Variants in KLHL6 observed in about 807,000 individuals in gnomAD.
KLHL6 encodes kelch like family member 6.
KLHL6 carries 41 observed loss-of-function variants against 58.6 expected under a neutral mutation model. The ratio of observed to expected loss-of-function variants is 0.70; its 90% CI spans 0.55 to 0.91. KLHL6 has a LOEUF of 0.91. Ranked by LOEUF, KLHL6 falls within the 40% of genes least tolerant of loss-of-function variation. The pLI is 0.00. For missense variants in KLHL6, 714 were observed against 805.6 expected, an observed-to-expected ratio of 0.89 and a Z score of 1.38; for synonymous variants, 338 against 322.7, an observed-to-expected ratio of 1.05 and a Z score of -0.51.
chr3:183,536,899 C>T (rs1053748226), intron 1 of KLHL6, among the ~76,000 whole-genome samples: 5 of 152,158 alleles, frequency 3.3e-5, no homozygotes, highest in African/African-American at 9.7e-5. Context: ...GTGCACGAAT[C>T]GGCCTAAACA....
intron 1 of KLHL6, among the ~76,000 whole-genome samples, chr3:183,529,794 AG>A (rs200276719): frequency 1.2e-3 from 184 of 152,022 alleles, no homozygotes; most frequent in African/African-American, 3.9e-3. Context: ...CAAAAAAAAA[AG>A]AAAGAAAGAA....
At chr3:183,545,090 A>G (rs1712676433) in intron 1 of KLHL6, among the ~76,000 whole-genome samples, 1 of 152,312 alleles carries the variant, frequency 6.6e-6, no homozygotes, top group African/African-American at 2.4e-5. Flanking sequence ...GAGAAAGAGC[A>G]CGCAGGCTGC....
At chr3:183,539,691 A>G (rs1428316046) in intron 1 of KLHL6, among the ~76,000 whole-genome samples, 1 of 147,834 alleles carries the variant, frequency 6.8e-6, no homozygotes, top group Non-Finnish European at 1.5e-5. Flanking sequence ...CCTGGGTGAC[A>G]GTGTGAGACT....
chr3:183,492,530 T>C lies in KLHL6; in HGVS notation c.1528A>G (p.Asn510Asp), dbSNP rs1249723977. The C allele has an allele frequency of 6.2e-7, 1 of 1,614,222 alleles. No homozygotes were observed. The change falls in exon 6 of 7, where the codon AAT becomes GAT. Residue 510 changes from asparagine (N) to aspartate (D), a missense_variant. By Grantham distance (23) the Asn-to-Asp change is conservative. Around this residue, in one of 2 missense-constraint regions of KLHL6, gnomAD observed 510 missense variants for 629.7 expected, o/e 0.81. Coordinates refer to ENST00000341319, the MANE Select transcript of KLHL6 (RefSeq NM_130446.4). This position sits in a 1 kb window ranked among gnomAD's most constrained non-coding sequence, Gnocchi z 5.9. ...ATGCGGTCCCGGAAACTCACTGCAT[T>C]GATGCATTTAGCCTCCACGGGCATG... Reference protein sequence around the residue: ...AAMPVEAKCINAVSFRDRIYV... With the variant: ...AAMPVEAKCIDAVSFRDRIYV...
rs536913845 is a variant in KLHL6 at position 183,513,797 on chromosome 3, C to T, written c.460-5289G>A. ...GGTATACGTGTGCCATGGTTTGCTG[C>T]ACCTATCAACCCGTCATCTAGGTTT... On this transcript the variant is annotated intron_variant, in intron 2 of 6. Transcript: ENST00000341319. Among the ~76,000 whole-genome samples the T allele has an allele frequency of 1.0e-3, 158 of 152,170 alleles. 1 individual carries two copies. Among genetic ancestry groups the T allele is most frequent in the African/African-American group, 3.4e-3 (143 of 41,502 alleles).
intron 4 of KLHL6, among the ~76,000 whole-genome samples, chr3:183,495,888 CG>C (rs1717699962): frequency 6.6e-6 from 1 of 151,944 alleles, no homozygotes; most frequent in Non-Finnish European, 1.5e-5. Context: ...AGCACAGAAA[CG>C]GACTAAAATA....
intron 1 of KLHL6, among the ~76,000 whole-genome samples, chr3:183,548,008 A>G (rs1178385810): frequency 6.6e-6 from 1 of 152,226 alleles, no homozygotes; most frequent in African/African-American, 2.4e-5. Flanking sequence ...ATGCACAGGC[A>G]GGATACTGTT....
intron 2 of KLHL6, among the ~76,000 whole-genome samples, chr3:183,510,618 T>C (rs1399299027): frequency 6.6e-6 from 1 of 152,270 alleles, no homozygotes; most frequent in South Asian, 2.1e-4. Flanking sequence ...CTCACGCCTG[T>C]AATCCCAGCA....
chr3:183,537,154 G>T (rs1712392227), intron 1 of KLHL6, among the ~76,000 whole-genome samples: 1 of 152,188 alleles, frequency 6.6e-6, no homozygotes, highest in African/African-American at 2.4e-5. Flanking sequence ...CAGGCCTCCT[G>T]CTGCTCCTCT....
chr3:183,526,219 G>A (rs1376394158), intron 2 of KLHL6, among the ~76,000 whole-genome samples: 1 of 152,198 alleles, frequency 6.6e-6, no homozygotes, highest in Non-Finnish European at 1.5e-5. Flanking sequence ...GCTGAGGCAG[G>A]AGAATTGCTT....
At chr3:183,539,816 A>G (rs1712493375) in intron 1 of KLHL6, among the ~76,000 whole-genome samples, 1 of 152,130 alleles carries the variant, frequency 6.6e-6, no homozygotes, top group African/African-American at 2.4e-5. Context: ...AACTCTGGCC[A>G]TGTTCCTAGG....
chr3:183,554,386 A>T (rs1713035168), intron 1 of KLHL6, among the ~76,000 whole-genome samples: 1 of 152,198 alleles, frequency 6.6e-6, no homozygotes, highest in Non-Finnish European at 1.5e-5. Flanking sequence ...TTGTTTAATT[A>T]TGACAGCCCT....
Position 183,508,098 on chromosome 3 carries a change from C to T in KLHL6, c.870G>A (p.Leu290=). ...GGTGGTACATCCTGGCTTCCTGGAG[C>T]AGCGGGAAGACCTCTGGGCACTGCC... The part of the protein sequence containing the change: ...LIRQCPEVFP[L]LQEARMYHLS... Residue 290 remains leucine, a synonymous_variant, in exon 3 of 7, where the codon CTG becomes CTA. Coordinates refer to ENST00000341319, the MANE Select transcript of KLHL6 (RefSeq NM_130446.4). The T allele has an allele frequency of 1.9e-6, 3 of 1,614,162 alleles. No individual in the cohort carries two copies. Among genetic ancestry groups the T allele is most frequent in the East Asian group, 2.2e-5 (1 of 44,878 alleles).
intron 2 of KLHL6, among the ~76,000 whole-genome samples, chr3:183,516,070 C>T (rs773433019): frequency 2.6e-5 from 4 of 152,334 alleles, no homozygotes; most frequent in East Asian, 1.9e-4. Context: ...CAGTCAGCAT[C>T]GTGGTGCCTT....
intron 4 of KLHL6, among the ~76,000 whole-genome samples, chr3:183,495,552 A>T (rs1172732652): frequency 6.8e-6 from 1 of 147,052 alleles, no homozygotes; most frequent in African/African-American, 2.5e-5. Context: ...TGCAACCTTT[A>T]TTAAAACCTA....
At chr3:183,528,721 G>A (rs748599028) in intron 1 of KLHL6, among the ~76,000 whole-genome samples, 9 of 152,208 alleles carry the variant, frequency 5.9e-5, no homozygotes, top group Non-Finnish European at 1.2e-4. Context: ...GAGTTGGACA[G>A]GTCATTTAAT....
intron 1 of KLHL6, among the ~76,000 whole-genome samples, chr3:183,542,040 C>T (rs896497409): frequency 6.6e-6 from 1 of 152,098 alleles, no homozygotes; most frequent in African/African-American, 2.4e-5. Context: ...GCTGCCTCTC[C>T]CTCATGCTCT....
intron 1 of KLHL6, among the ~76,000 whole-genome samples, chr3:183,530,351 C>T (rs143476403): frequency 1.5e-3 from 231 of 152,194 alleles, no homozygotes; most frequent in Non-Finnish European, 2.4e-3. Context: ...ATGAGGAACA[C>T]GTATTGGAAA....
intron 1 of KLHL6, among the ~76,000 whole-genome samples, chr3:183,546,469 G>A (rs755807109): frequency 7.2e-5 from 11 of 152,144 alleles, no homozygotes; most frequent in Non-Finnish European, 1.3e-4. Flanking sequence ...GTGCAGCTGT[G>A]GCCCCAGCAT....
Sources: allele counts gnomAD v4.1 joint callset (sites outside exome capture counted in the v4.1 genomes callset), GRCh38; gene constraint gnomAD v4.1.1; regional missense constraint gnomAD v4.1.1; non-coding constraint Gnocchi (gnomAD v3.1); transcripts MANE v1.5; gene names NCBI Gene and HGNC (gene_info 2026-07-23, HGNC 2026-07-21).